The following C2orf92 variants were observed in gnomAD, a reference collection of about 807,000 sequenced individuals.
C2orf92 encodes the protein chromosome 2 open reading frame 92.
chr2:97,699,434 A>C (rs1289648361), intron 6 of C2orf92, among the ~76,000 whole-genome samples: 4 of 152,128 alleles, frequency 2.6e-5, no homozygotes, highest in Non-Finnish European at 5.9e-5. Context: ...CGTCTCTACT[A>C]AAAATACAAA....
At chr2:97,681,304 T>A (rs1024836951) in intron 3 of C2orf92, among the ~76,000 whole-genome samples, 1 of 152,102 alleles carries the variant, frequency 6.6e-6, no homozygotes, top group Non-Finnish European at 1.5e-5. Context: ...GACACAAATC[T>A]TCATTAATTG....
chr2:97,686,725 A>G (rs1373544297), intron 3 of C2orf92, among the ~76,000 whole-genome samples: 1 of 150,246 alleles, frequency 6.7e-6, no homozygotes, highest in Non-Finnish European at 1.5e-5. Context: ...GCCCTGTTTC[A>G]GTTGATTTAA....
chr2:97,676,579 C>T (rs1317094743), intron 3 of C2orf92, among the ~76,000 whole-genome samples: 1 of 150,232 alleles, frequency 6.7e-6, no homozygotes, highest in Non-Finnish European at 1.5e-5. Flanking sequence ...AGCAACATAT[C>T]AAAAAACACT....
chr2:97,666,185 G>A (rs888711927), upstream of C2orf92, among the ~76,000 whole-genome samples: 2 of 151,884 alleles, frequency 1.3e-5, no homozygotes, highest in Non-Finnish European at 2.9e-5. Flanking sequence ...TGCTCTTTTA[G>A]CCATAGCATC....
upstream of C2orf92, chr2:97,668,445 G>T (rs1164997027): frequency 2.6e-5 from 4 of 152,160 alleles, no homozygotes; most frequent in Non-Finnish European, 5.9e-5. Flanking sequence ...ACTCAGGTGT[G>T]TATGGAGGGA....
Position 97,674,523 on chromosome 2 carries a change from A to G in C2orf92, c.114A>G (p.Ala38=), listed in dbSNP as rs1675513213. 2.5e-6 allele frequency: 1 copy of G among 398,670 alleles called. No homozygotes were observed. 24.7% of individuals were successfully genotyped at this position (398,670 alleles called of 1,614,324 possible). The change falls in exon 2 of 8, where the codon GCA becomes GCG. Residue 38 remains alanine (A), a synonymous_variant. Transcript: ENST00000627399. ...YDPSFDETRT[A]VRSITKRDTQ... ...CATCATTTGATGAAACAAGAACAGC[A>G]GTCAGATCCATTACAAAGAGAGACA...
chr2:97,687,167 C>G lies in C2orf92; in HGVS notation c.233-1728C>G, dbSNP rs1675990373. ...ATCACTTGAGGCCAGGAGTTCCAGACCAGCCTAGGCAACATAGCAAGACCC... is the reference window on the plus strand; with the variant it reads ...ATCACTTGAGGCCAGGAGTTCCAGAGCAGCCTAGGCAACATAGCAAGACCC... On this transcript the variant is annotated intron_variant, in intron 3 of 7. Coordinates refer to ENST00000627399, the MANE Select transcript of C2orf92 (RefSeq NM_001351368.2). Among the ~76,000 whole-genome samples the G allele has an allele frequency of 2.0e-5, 3 of 152,210 alleles. No homozygotes were observed. The South Asian group carries it at 6.2e-4, about 32-fold the overall frequency.
At chr2:97,682,995 G>T (rs1420396486) in intron 3 of C2orf92, among the ~76,000 whole-genome samples, 2 of 149,830 alleles carry the variant, frequency 1.3e-5, no homozygotes, top group African/African-American at 4.9e-5. Flanking sequence ...AAGAAATGAG[G>T]CATCCAAATC....
intron 6 of C2orf92, among the ~76,000 whole-genome samples, 181 bp from the exon 7 acceptor site, chr2:97,700,973 C>T (rs541545056): frequency 2.0e-4 from 30 of 152,198 alleles, no homozygotes; most frequent in African/African-American, 6.3e-4. Context: ...CCTCGTGATC[C>T]GCCCGCCTCA....
intron 3 of C2orf92, among the ~76,000 whole-genome samples, chr2:97,683,298 G>A (rs1232274508): frequency 1.3e-5 from 2 of 152,120 alleles, no homozygotes; most frequent in East Asian, 3.9e-4. Context: ...AAACTTAGCC[G>A]AGAAAGTGAA....
intron 5 of C2orf92, among the ~76,000 whole-genome samples, chr2:97,692,368 T>C (rs1676166231): frequency 6.6e-6 from 1 of 152,022 alleles, no homozygotes; most frequent in African/African-American, 2.4e-5. Flanking sequence ...TATTGCCTTG[T>C]TCAATTCTAC....
chr2:97,669,902 C>T (rs1675355025), intron 1 of C2orf92, 68 bp downstream of exon 1: 10 of 398,312 alleles, frequency 2.5e-5, no homozygotes, highest in Non-Finnish European at 4.0e-5. Flanking sequence ...CAGAGGAGGG[C>T]GTTCCCTCCC....
chr2:97,666,571 G>A (rs116732971), upstream of C2orf92, among the ~76,000 whole-genome samples: 268 of 149,686 alleles, frequency 1.8e-3, 1 homozygote, highest in African/African-American at 5.4e-3. Flanking sequence ...AGATGGGCAC[G>A]GTAGCTCATG....
upstream of C2orf92, chr2:97,664,127 C>T: frequency 3.9e-6 from 1 of 257,082 alleles, no homozygotes. Flanking sequence ...GCGAAGGGGG[C>T]GGGGCCTCCG....
chr2:97,695,719 AT>A (rs934671508), intron 5 of C2orf92, among the ~76,000 whole-genome samples: 1 of 151,040 alleles, frequency 6.6e-6, no homozygotes, highest in African/African-American at 2.5e-5. Flanking sequence ...CCAGGACAAC[AT>A]TTTTTCTTTT....
At chr2:97,687,323 C>T (rs1001664581) in intron 3 of C2orf92, among the ~76,000 whole-genome samples, 12 of 152,298 alleles carry the variant, frequency 7.9e-5, no homozygotes, top group African/African-American at 2.9e-4. Context: ...GCTATGATTA[C>T]ACCACTGCAG....
intron 5 of C2orf92, among the ~76,000 whole-genome samples, chr2:97,693,016 ATTT>A: frequency 6.6e-6 from 1 of 152,002 alleles, no homozygotes; most frequent in Non-Finnish European, 1.5e-5. Context: ...CTTTTTGGGT[ATTT>A]TTTTCTGTTT....
chr2:97,696,422 C>T (rs559958910), intron 5 of C2orf92, among the ~76,000 whole-genome samples: 1 of 151,844 alleles, frequency 6.6e-6, no homozygotes, highest in South Asian at 2.1e-4. Context: ...TCCTCCTTGG[C>T]AGTAGTGACC....
At chr2:97,679,118 G>C (rs1675676839) in intron 3 of C2orf92, among the ~76,000 whole-genome samples, 1 of 151,818 alleles carries the variant, frequency 6.6e-6, no homozygotes, top group South Asian at 2.1e-4. Context: ...ATGAGAAATG[G>C]CAAAGAGAGC....
Sources: allele counts gnomAD v4.1 joint callset (sites outside exome capture counted in the v4.1 genomes callset), GRCh38; gene constraint gnomAD v4.1.1; transcripts MANE v1.5; gene names NCBI Gene and HGNC (gene_info 2026-07-23, HGNC 2026-07-21).